Variants in SUMF1 observed in about 807,000 individuals in gnomAD.
The protein encoded by SUMF1 is formylglycine-generating enzyme.
In SUMF1, 48 loss-of-function variants were observed where a neutral mutation model predicts 47.6. The ratio of observed to expected loss-of-function variants is 1.01; its 90% CI spans 0.80 to 1.28. The LOEUF is 1.28. Ranked by LOEUF, SUMF1 falls within the 50% of genes most tolerant of loss-of-function variation. The probability of loss-of-function intolerance (pLI) is 0.00; values close to 1 mark genes in which losing one functional copy is unlikely to be tolerated. For missense variants in SUMF1, 571 were observed against 485.4 expected, an observed-to-expected ratio of 1.18 and a Z score of -1.66; for synonymous variants, 230 against 192.1, an observed-to-expected ratio of 1.20 and a Z score of -1.63.
At chr3:4,434,683 T>C (rs1273926626) in intron 3 of SUMF1, among the ~76,000 whole-genome samples, 1 of 152,000 alleles carries the variant, frequency 6.6e-6, no homozygotes, top group African/African-American at 2.4e-5. Context: ...ACAAGTAAAA[T>C]ACTAGTGAAT....
At chr3:4,244,299 T>TAATCATG in intron 8 of SUMF1, among the ~76,000 whole-genome samples, 1 of 152,350 alleles carries the variant, frequency 6.6e-6, no homozygotes, top group East Asian at 1.9e-4. Flanking sequence ...ATCCTGTCAT[T>TAATCATG]ATGATGCTAG....
intron 8 of SUMF1, among the ~76,000 whole-genome samples, chr3:4,076,231 C>T (rs1692429488): frequency 6.6e-6 from 1 of 152,104 alleles, no homozygotes; most frequent in African/African-American, 2.4e-5. Flanking sequence ...CAAAAACAAG[C>T]AATGGGGAAA....
intron 8 of SUMF1, among the ~76,000 whole-genome samples, chr3:4,338,139 C>T (rs981909158): frequency 2.6e-5 from 4 of 152,006 alleles, no homozygotes; most frequent in African/African-American, 7.3e-5. Flanking sequence ...GTGGTGCATC[C>T]CTATAATCCT....
rs2125175808 is a variant in SUMF1, at chr3:4,362,162, G to A, written c.1107C>T (p.Arg369=). The A allele has an allele frequency of 6.2e-7, 1 of 1,614,164 alleles. No individual in the cohort carries two copies. Among genetic ancestry groups the A allele is most frequent in the Non-Finnish European group, 8.5e-7 (1 of 1,180,022 alleles). Residue 369 remains arginine, a synonymous_variant, in exon 9 of 9, where the codon CGC becomes CGT. Coordinates refer to ENST00000272902, the MANE Select transcript of SUMF1 (RefSeq NM_182760.4). ...SNLGFRCAAD[R]LPTMD The stretch of plus-strand genomic sequence containing the variant: ...TTGGTTGTCAGTCCATAGTGGGCAG[G>A]CGGTCGGCTGCACAGCGGAATCCCA...
chr3:4,342,177 C>T (rs989592137), intron 8 of SUMF1, among the ~76,000 whole-genome samples: 2 of 152,222 alleles, frequency 1.3e-5, no homozygotes, highest in African/African-American at 4.8e-5. Context: ...GCACTTACTA[C>T]ATACCAGCTA....
intron 8 of SUMF1, among the ~76,000 whole-genome samples, chr3:4,165,519 G>A (rs943373747): frequency 3.9e-5 from 6 of 152,146 alleles, no homozygotes; most frequent in African/African-American, 1.4e-4. Context: ...AGGTCCTCCT[G>A]TGGGATGTAG....
chr3:4,168,440 C>G (rs1042887170), intron 8 of SUMF1, among the ~76,000 whole-genome samples: 17 of 152,200 alleles, frequency 1.1e-4, no homozygotes, highest in African/African-American at 4.1e-4. Flanking sequence ...AGCTCCAGCT[C>G]TGCTCAGAAG....
At chr3:4,311,036 A>T (rs1265905315) in intron 8 of SUMF1, among the ~76,000 whole-genome samples, 1 of 152,230 alleles carries the variant, frequency 6.6e-6, no homozygotes, top group Non-Finnish European at 1.5e-5. Context: ...TTATCCATTT[A>T]GGATATTCCT....
chr3:4,257,576 G>A (rs1696984200), intron 8 of SUMF1, among the ~76,000 whole-genome samples: 1 of 150,548 alleles, frequency 6.6e-6, no homozygotes, highest in Non-Finnish European at 1.5e-5. Context: ...ACCTCTTCAA[G>A]GAGAACTACA....
intron 8 of SUMF1, among the ~76,000 whole-genome samples, chr3:4,096,830 G>T (rs1692916054): frequency 6.6e-6 from 1 of 152,062 alleles, no homozygotes; most frequent in Non-Finnish European, 1.5e-5. Context: ...CTATGTGAAG[G>T]GGACAGCACT....
chr3:4,114,739 A>AT (rs1401052854), intron 8 of SUMF1, among the ~76,000 whole-genome samples: 3 of 152,186 alleles, frequency 2.0e-5, no homozygotes, highest in Non-Finnish European at 4.4e-5. Flanking sequence ...ACAGAGAAGT[A>AT]TTTAAGAAAT....
chr3:4,316,421 A>C (rs1319052503), intron 8 of SUMF1: 1 of 1,590,534 alleles, frequency 6.3e-7, no homozygotes, highest in Non-Finnish European at 8.6e-7. Context: ...GCCGGCCATC[A>C]GAAGTTGACA....
chr3:4,229,674 A>G (rs1210474267), intron 8 of SUMF1, among the ~76,000 whole-genome samples: 2 of 152,122 alleles, frequency 1.3e-5, no homozygotes, highest in Non-Finnish European at 2.9e-5. Flanking sequence ...AAGTCTGAAA[A>G]TCAGAATTTC....
chr3:4,277,292 C>T (rs1697439403), intron 8 of SUMF1, among the ~76,000 whole-genome samples: 1 of 152,046 alleles, frequency 6.6e-6, no homozygotes, highest in Admixed American at 6.6e-5. Context: ...TGAAAATACC[C>T]AGGTCTCCTT....
rs546706759 is a variant in SUMF1, at chr3:4,216,763, A to C, written c.1015-148018T>G. 3.3e-5 allele frequency among the ~76,000 whole-genome samples: 5 copies of C among 152,354 alleles called. No individual in the cohort carries two copies. In the East Asian group the frequency reaches 9.6e-4, roughly 29 times the overall value. ...ATGCAGTCAACAAACATATGAAAAA[A>C]TGCTCATCATCACTGATCATCAGAG... On this transcript the variant is annotated intron_variant and NMD_transcript_variant, in intron 8 of 12. Coordinates refer to the SUMF1 transcript ENST00000448413.
intron 3 of SUMF1, among the ~76,000 whole-genome samples, chr3:4,442,638 G>GA (rs61296884): frequency 8.3e-4 from 51 of 61,318 alleles, no homozygotes; most frequent in African/African-American, 1.8e-3. Context: ...AGAGAAAAAG[G>GA]AAAAAAAAAA....
At chr3:4,124,072 G>T (rs191150091) in intron 8 of SUMF1, among the ~76,000 whole-genome samples, 2 of 152,128 alleles carry the variant, frequency 1.3e-5, no homozygotes, top group Non-Finnish European at 2.9e-5. Context: ...TAAAACAAGA[G>T]GTTGTGAATA....
At chr3:4,227,461 C>G (rs1196229758) in intron 8 of SUMF1, among the ~76,000 whole-genome samples, 2 of 152,068 alleles carry the variant, frequency 1.3e-5, no homozygotes, top group East Asian at 1.9e-4. Context: ...GGAGATCCAT[C>G]GGCTTTCATC....
At chr3:4,442,178 C>A (rs2125103524) in intron 3 of SUMF1, among the ~76,000 whole-genome samples, 1 of 152,224 alleles carries the variant, frequency 6.6e-6, no homozygotes, top group Middle Eastern at 3.4e-3. Context: ...GGAATTTTGC[C>A]CACTCCAATA....
Sources: allele counts gnomAD v4.1 joint callset (sites outside exome capture counted in the v4.1 genomes callset), GRCh38; gene constraint gnomAD v4.1.1; transcripts MANE v1.5; gene names NCBI Gene and HGNC (gene_info 2026-07-23, HGNC 2026-07-21).